LYPLAL1: variants seen among roughly 807,000 people sequenced by gnomAD.
LYPLAL1 encodes the protein lysophospholipase-like protein 1.
Under a neutral mutation model 19.7 loss-of-function variants are expected in LYPLAL1, and 23 were observed. That is an observed-to-expected ratio of 1.17 (90% CI 0.84 to 1.65). The LOEUF (loss-of-function observed/expected upper bound fraction) is 1.65. Ranked by LOEUF, LYPLAL1 falls within the 40% of genes most tolerant of loss-of-function variation. LYPLAL1 has a pLI of 0.00. For missense variants in LYPLAL1, 355 were observed against 279.4 expected (o/e 1.27, Z -1.93); for synonymous variants, 119 against 96.3 (o/e 1.24, Z -1.38).
chr1:219,244,960 T>TCTTC, the LYPLAL1 span, among the ~76,000 whole-genome samples: 1 of 146,592 alleles, frequency 6.8e-6, no homozygotes, highest in Non-Finnish European at 1.5e-5. Flanking sequence ...TCTTCCTTTC[T>TCTTC]CTTCCTTCCT....
intron 1 of LYPLAL1, chr1:219,174,789 T>A (rs1655676062): frequency 1.7e-6 from 1 of 593,364 alleles, no homozygotes; most frequent in Admixed American, 6.3e-5. Flanking sequence ...TCAGGAAATG[T>A]TTTTTAAAGA....
chr1:219,412,686 C>T, the LYPLAL1 span, among the ~76,000 whole-genome samples: 1 of 152,236 alleles, frequency 6.6e-6, no homozygotes, highest in Admixed American at 6.5e-5. Flanking sequence ...AATTGAAAAG[C>T]TCATCTCTAA....
the LYPLAL1 span, among the ~76,000 whole-genome samples, chr1:219,392,585 A>G: frequency 6.6e-6 from 1 of 152,218 alleles, no homozygotes; most frequent in African/African-American, 2.4e-5. Context: ...AATACAGTTA[A>G]GAAACAGATG....
chr1:219,182,520 A>T (rs372277039), intron 2 of LYPLAL1, among the ~76,000 whole-genome samples: 33 of 152,118 alleles, frequency 2.2e-4, no homozygotes, highest in African/African-American at 7.0e-4. Context: ...GTGACGTCAA[A>T]AGGAGGCATG....
the LYPLAL1 span, among the ~76,000 whole-genome samples, chr1:219,386,008 C>T: frequency 6.6e-6 from 1 of 152,124 alleles, no homozygotes; most frequent in African/African-American, 2.4e-5. Flanking sequence ...GTGGTGAGAG[C>T]CCTCTAGTGG....
the LYPLAL1 span, among the ~76,000 whole-genome samples, chr1:219,342,026 T>C: frequency 2.6e-5 from 4 of 152,168 alleles, no homozygotes; most frequent in African/African-American, 9.6e-5. Context: ...TATATCAGTT[T>C]ATTTCAATGC....
chr1:219,258,642 T>C, the LYPLAL1 span, among the ~76,000 whole-genome samples: 1 of 152,106 alleles, frequency 6.6e-6, no homozygotes, highest in African/African-American at 2.4e-5. Context: ...TACTAATATA[T>C]TTGGGTATAA....
At chr1:219,182,953 A>G (rs1282999902) in intron 2 of LYPLAL1, among the ~76,000 whole-genome samples, 1 of 152,128 alleles carries the variant, frequency 6.6e-6, no homozygotes, top group African/African-American at 2.4e-5. Flanking sequence ...ATTTATAGAA[A>G]TGAGTGAAAA....
At chr1:219,351,576 C>G in the LYPLAL1 span, among the ~76,000 whole-genome samples, 1,949 of 151,734 alleles carry the variant, frequency 0.013, 20 homozygotes, top group Non-Finnish European at 0.018. Context: ...CACTTTATCC[C>G]CAGCCTATCC....
the LYPLAL1 span, among the ~76,000 whole-genome samples, chr1:219,414,828 T>A: frequency 6.6e-6 from 1 of 152,178 alleles, no homozygotes; most frequent in Non-Finnish European, 1.5e-5. Flanking sequence ...CTGAGTATTC[T>A]GAGGGTTCTG....
intron 3 of LYPLAL1, 106 bp from the exon 4 acceptor site, chr1:219,210,426 C>T (rs1658919735): frequency 4.0e-6 from 3 of 747,732 alleles, no homozygotes; most frequent in Non-Finnish European, 6.1e-6. Context: ...TTTTAGCATT[C>T]TCTTTAAAGG....
chr1:219,311,996 T>C, the LYPLAL1 span, among the ~76,000 whole-genome samples: 1 of 152,208 alleles, frequency 6.6e-6, no homozygotes, highest in African/African-American at 2.4e-5. Context: ...TGGAATCTTC[T>C]TATTTTTGTT....
the LYPLAL1 span, among the ~76,000 whole-genome samples, chr1:219,391,421 A>T: frequency 1.3e-5 from 2 of 152,304 alleles, no homozygotes; most frequent in African/African-American, 2.4e-5. Context: ...CATTGTCTAA[A>T]TCTTCCTTGC....
Position 219,211,637 on chromosome 1 carries a change from A to G in LYPLAL1, c.623A>G (p.Asn208Ser). The change falls in exon 5 of 5, where the codon AAT becomes AGT. Residue 208 changes from asparagine (N) to serine (S), a missense_variant. Asn to Ser is a conservative substitution (Grantham distance 46, BLOSUM62 1). Coordinates refer to ENST00000366928, the MANE Select transcript of LYPLAL1 (RefSeq NM_138794.5). ...GVTTKFHSFP[N>S]VYHELSKTEL... ...ACCACGAAGTTTCATAGTTTTCCAA[A>G]TGTTTACCATGAGCTAAGCAAAACT... 1 of 1,613,442 alleles carries G rather than the reference A, an allele frequency of 6.2e-7. No homozygotes were observed. The highest frequency in any genetic ancestry group is 8.5e-7 in the Non-Finnish European group (1 of 1,179,554).
chr1:219,306,412 A>G, the LYPLAL1 span, among the ~76,000 whole-genome samples: 3 of 152,198 alleles, frequency 2.0e-5, no homozygotes, highest in Admixed American at 2.0e-4. Flanking sequence ...CATTTGAATC[A>G]GTAGAATGAG....
chr1:219,180,289 T>G (rs1656169681), intron 2 of LYPLAL1, among the ~76,000 whole-genome samples: 1 of 152,226 alleles, frequency 6.6e-6, no homozygotes, highest in African/African-American at 2.4e-5. Context: ...CCTGGCCTGT[T>G]CTTGATTTTT....
intron 4 of LYPLAL1, 141 bp downstream of exon 4, chr1:219,210,788 G>C: frequency 1.5e-6 from 1 of 688,352 alleles, no homozygotes; most frequent in South Asian, 2.9e-5. Context: ...TGGAATTCAT[G>C]GCCAAATGAG....
the LYPLAL1 span, among the ~76,000 whole-genome samples, chr1:219,342,039 T>C: frequency 1.3e-5 from 2 of 152,130 alleles, no homozygotes; most frequent in Non-Finnish European, 2.9e-5. Context: ...TTCAATGCAC[T>C]TTTTTTGTAA....
At chr1:219,203,292 C>CTT (rs879797594) in intron 3 of LYPLAL1, among the ~76,000 whole-genome samples, 23 of 140,284 alleles carry the variant, frequency 1.6e-4, no homozygotes, top group Non-Finnish European at 2.4e-4. Context: ...GTTTTACAAA[C>CTT]TTTTTTTTTT....
Sources: gnomAD v4.1 joint callset for allele counts (sites outside exome capture counted in the v4.1 genomes callset) on GRCh38, gnomAD v4.1.1 for gene constraint, MANE v1.5 for transcripts, NCBI Gene and HGNC (gene_info 2026-07-23, HGNC 2026-07-21) for gene names.